Variants in SPOCK3 observed in about 807,000 individuals in gnomAD.
SPOCK3 encodes the protein testican-3.
In SPOCK3, 30 loss-of-function variants were observed where a neutral mutation model predicts 56.6. The ratio of observed to expected loss-of-function variants is 0.53; its 90% CI spans 0.40 to 0.72. The LOEUF (loss-of-function observed/expected upper bound fraction) is 0.72. Among genes scored for constraint, SPOCK3 ranks in the 30% least tolerant of loss-of-function variants. The pLI is 0.00. For synonymous variants in SPOCK3, 196 were observed against 183.3 expected (o/e 1.07, Z -0.56); for missense variants, 527 against 530.0 (o/e 0.99, Z 0.06).
At chr4:166,812,601 A>C (rs533695565) in intron 6 of SPOCK3, among the ~76,000 whole-genome samples, 21 of 152,104 alleles carry the variant, frequency 1.4e-4, no homozygotes, top group African/African-American at 4.6e-4. Context: ...GATATTGGAT[A>C]ACTTTTTAGA....
At chr4:166,870,335 G>A (rs745475994) in intron 6 of SPOCK3, among the ~76,000 whole-genome samples, 2 of 151,906 alleles carry the variant, frequency 1.3e-5, no homozygotes, top group East Asian at 1.9e-4. Flanking sequence ...TAAGTGTATC[G>A]GGGACCTAAA....
chr4:166,866,531 A>G (rs1731861272), intron 6 of SPOCK3, among the ~76,000 whole-genome samples: 1 of 152,182 alleles, frequency 6.6e-6, no homozygotes, highest in African/African-American at 2.4e-5. Flanking sequence ...CAATCTATCT[A>G]TCTGACAAAT....
intron 5 of SPOCK3, among the ~76,000 whole-genome samples, chr4:166,906,505 A>C: frequency 6.7e-6 from 1 of 149,114 alleles, no homozygotes; most frequent in Non-Finnish European, 1.5e-5. Context: ...AAAAAAACCT[A>C]CCTTCTACTA....
chr4:167,114,201 G>A (rs1308986133), intron 2 of SPOCK3, among the ~76,000 whole-genome samples: 1 of 152,128 alleles, frequency 6.6e-6, no homozygotes, highest in East Asian at 1.9e-4. Context: ...ACATCTATTT[G>A]AAGGCATCGG....
At chr4:166,938,087 C>A (rs956885225) in intron 4 of SPOCK3, among the ~76,000 whole-genome samples, 2 of 151,900 alleles carry the variant, frequency 1.3e-5, no homozygotes, top group Non-Finnish European at 2.9e-5. Flanking sequence ...CCACCGTGCC[C>A]AGCCATGAGT....
At position 167,188,193 on chromosome 4, in the gene SPOCK3, A is replaced by G. The variant is rs1360649886; in HGVS notation, c.189+45792T>C. Reference sequence around the variant, plus strand: ...GCAGCAATCAAACCCGAACTCAGCTAAACAGCCCGCTGTATTGATTATGAC... The same window carrying G: ...GCAGCAATCAAACCCGAACTCAGCTGAACAGCCCGCTGTATTGATTATGAC... On this transcript the variant is annotated intron_variant, in intron 2 of 10. Transcript: ENST00000357545. Among the ~76,000 whole-genome samples, 8 of 146,338 alleles carry G rather than the reference A, an allele frequency of 5.5e-5. 1 individual carries two copies. Among genetic ancestry groups the G allele is most frequent in the African/African-American group, 7.8e-5 (3 of 38,286 alleles).
intron 2 of SPOCK3, among the ~76,000 whole-genome samples, chr4:167,087,960 T>G (rs1445204356): frequency 1.3e-5 from 2 of 152,002 alleles, no homozygotes; most frequent in African/African-American, 4.8e-5. Context: ...TGGTAGTAGA[T>G]AAGCAAACGC....
rs151308272 is a variant in SPOCK3, at chr4:167,027,990, A to G, written c.236-27527T>C. 1.8e-4 allele frequency among the ~76,000 whole-genome samples: 27 copies of G among 152,150 alleles called. 1 individual carries two copies. The East Asian group carries it at 4.8e-3, about 27-fold the overall frequency. Reference sequence around the variant, plus strand: ...GTATTTATATTCAATTGTGATCACCACATGTTTGAACTTCCTGTCCCCTTA... The same window carrying G: ...GTATTTATATTCAATTGTGATCACCGCATGTTTGAACTTCCTGTCCCCTTA... On this transcript the variant is annotated intron_variant, in intron 3 of 10. Coordinates refer to ENST00000357545, the MANE Select transcript of SPOCK3 (RefSeq NM_001040159.2).
intron 2 of SPOCK3, among the ~76,000 whole-genome samples, chr4:167,106,512 A>G (rs1334991026): frequency 6.6e-6 from 1 of 151,874 alleles, no homozygotes; most frequent in African/African-American, 2.4e-5. Context: ...GTTTATAAAT[A>G]TAAGTGCCTA....
At chr4:167,028,669 C>T (rs1751956383) in intron 3 of SPOCK3, among the ~76,000 whole-genome samples, 1 of 151,928 alleles carries the variant, frequency 6.6e-6, no homozygotes, top group African/African-American at 2.4e-5. Context: ...TACTTTGCTT[C>T]CAAGGAGATT....
intron 5 of SPOCK3, among the ~76,000 whole-genome samples, chr4:166,910,758 A>T (rs1222048434): frequency 6.6e-6 from 1 of 152,170 alleles, no homozygotes; most frequent in Non-Finnish European, 1.5e-5. Context: ...AGGCACAAAC[A>T]TATCAGTACT....
At chr4:166,753,408 TAATA>T (rs1346750063) in intron 8 of SPOCK3, among the ~76,000 whole-genome samples, 1 of 152,026 alleles carries the variant, frequency 6.6e-6, no homozygotes, top group African/African-American at 2.4e-5. Context: ...TTTGTGTGTG[TAATA>T]AATATTTTAA....
intron 4 of SPOCK3, among the ~76,000 whole-genome samples, chr4:166,968,491 A>G (rs2150069675): frequency 6.6e-6 from 1 of 152,298 alleles, no homozygotes; most frequent in South Asian, 2.1e-4. Context: ...CAGCTGCTCC[A>G]GCTCCAGCAA....
intron 3 of SPOCK3, among the ~76,000 whole-genome samples, chr4:167,034,814 T>C (rs886517551): frequency 7.9e-5 from 12 of 152,168 alleles, no homozygotes; most frequent in Admixed American, 2.6e-4. Flanking sequence ...AATAATGTAC[T>C]GTTCAGGGTG....
At chr4:166,983,404 T>G (rs1159947168) in intron 4 of SPOCK3, among the ~76,000 whole-genome samples, 3 of 152,132 alleles carry the variant, frequency 2.0e-5, no homozygotes, top group Non-Finnish European at 2.9e-5. Context: ...CTTTGTTAGC[T>G]TCTATGTATT....
At chr4:166,752,237 C>T (rs1736468272) in intron 8 of SPOCK3, among the ~76,000 whole-genome samples, 1 of 152,072 alleles carries the variant, frequency 6.6e-6, no homozygotes, top group Non-Finnish European at 1.5e-5. Context: ...ATTGCCCACA[C>T]TGCTCGGACT....
chr4:166,973,235 C>T (rs1007819290), intron 4 of SPOCK3, among the ~76,000 whole-genome samples: 7 of 152,114 alleles, frequency 4.6e-5, no homozygotes, highest in Non-Finnish European at 8.8e-5. Context: ...TCCCCTTCAC[C>T]TTCCACCATG....
chr4:167,016,116 T>C (rs1185599763), intron 3 of SPOCK3, among the ~76,000 whole-genome samples: 1 of 152,154 alleles, frequency 6.6e-6, no homozygotes, highest in Non-Finnish European at 1.5e-5. Context: ...TTTTTGAAAC[T>C]GACAGGAAAG....
intron 3 of SPOCK3, among the ~76,000 whole-genome samples, chr4:167,021,385 G>T (rs1488235885): frequency 6.6e-6 from 1 of 151,940 alleles, no homozygotes; most frequent in Admixed American, 6.6e-5. Flanking sequence ...AGGTAAAATA[G>T]ATCTATTAAA....
Sources: gnomAD v4.1 joint callset for allele counts (sites outside exome capture counted in the v4.1 genomes callset) on GRCh38, gnomAD v4.1.1 for gene constraint, MANE v1.5 for transcripts, NCBI Gene and HGNC (gene_info 2026-07-23, HGNC 2026-07-21) for gene names.